ARF4: variants seen among roughly 807,000 people sequenced by gnomAD.
ARF4 encodes the protein ADP-ribosylation factor 4.
Under a neutral mutation model 24.3 loss-of-function variants are expected in ARF4, and 5 were observed. That is an observed-to-expected ratio of 0.21 (90% CI 0.11 to 0.43). The LOEUF (loss-of-function observed/expected upper bound fraction) is 0.43, where lower values mean the gene tolerates loss of function less well. Ranked by LOEUF, ARF4 falls within the 20% of genes least tolerant of loss-of-function variation. ARF4 has a pLI of 1.00. For synonymous variants in ARF4, 62 were observed against 73.5 expected (o/e 0.84, Z 0.80); for missense variants, 107 against 213.0 (o/e 0.50, Z 3.10).
intron 4 of ARF4, 71 bp from the exon 5 acceptor site, chr3:57,575,744 T>TAC: frequency 6.8e-7 from 1 of 1,461,912 alleles, no homozygotes; most frequent in Non-Finnish European, 9.2e-7. Flanking sequence ...TTCCTATATA[T>TAC]ACTTTACTCA....
chr3:57,584,962 C>T (rs1040958993), intron 1 of ARF4, among the ~76,000 whole-genome samples: 6 of 152,074 alleles, frequency 3.9e-5, no homozygotes, highest in East Asian at 1.9e-4. Context: ...CTCCCGGGTT[C>T]GAGCAATTCT....
Position 57,584,396 on chromosome 3 carries a change from T to C in ARF4, c.136A>G (p.Ile46Val), listed in dbSNP as rs755833114. ...KLKLGEIVTT[I>V]PTIGFNVETV... Reference sequence around the variant, plus strand: ...TAAACTTTCTTACCAATGGTAGGAATGGTGGTGACTATCTCCCCTAACTTC... The same window carrying C: ...TAAACTTTCTTACCAATGGTAGGAACGGTGGTGACTATCTCCCCTAACTTC... The change falls in exon 2 of 6, where the codon ATT (isoleucine) becomes GTT (valine). Residue 46 changes from isoleucine to valine, a missense_variant. By Grantham distance (29) the Ile-to-Val change is conservative. Coordinates refer to ENST00000303436, the MANE Select transcript of ARF4 (RefSeq NM_001660.4). The C allele has an allele frequency of 6.2e-7, 1 of 1,611,146 alleles. No homozygotes were observed. Among genetic ancestry groups the C allele is most frequent in the South Asian group, 1.1e-5 (1 of 90,998 alleles).
At chr3:57,582,567 A>G (rs1267298861) in intron 3 of ARF4, among the ~76,000 whole-genome samples, 4 of 152,172 alleles carry the variant, frequency 2.6e-5, no homozygotes, top group Non-Finnish European at 4.4e-5. Context: ...TAAATAAAAA[A>G]GTATACCACT....
At chr3:57,590,765 A>C (rs1379744236) in intron 1 of ARF4, among the ~76,000 whole-genome samples, 1 of 152,122 alleles carries the variant, frequency 6.6e-6, no homozygotes, top group Non-Finnish European at 1.5e-5. Context: ...TGTAGCCTCA[A>C]ACTCCTGGGC....
intron 4 of ARF4, among the ~76,000 whole-genome samples, chr3:57,575,938 T>C (rs1473286302): frequency 1.3e-5 from 2 of 151,750 alleles, no homozygotes; most frequent in African/African-American, 4.9e-5. Flanking sequence ...TCACTCATCA[T>C]TCAGCCTTCA....
chr3:57,586,923 T>G (rs2070044654), intron 1 of ARF4, among the ~76,000 whole-genome samples: 1 of 152,060 alleles, frequency 6.6e-6, no homozygotes, highest in South Asian at 2.1e-4. Flanking sequence ...GAATTGAAAC[T>G]GAGACGCTGA....
intron 5 of ARF4, among the ~76,000 whole-genome samples, chr3:57,575,087 TG>T (rs1305784274): frequency 6.6e-6 from 1 of 151,008 alleles, no homozygotes; most frequent in Non-Finnish European, 1.5e-5. Context: ...CGACCTCAGA[TG>T]ATCTGCTCAC....
intron 5 of ARF4, among the ~76,000 whole-genome samples, chr3:57,573,263 TCAGA>T (rs2069862491): frequency 2.0e-5 from 3 of 152,082 alleles, no homozygotes; most frequent in Admixed American, 2.0e-4. Flanking sequence ...GGCAAGCTTT[TCAGA>T]CAATTTCACC....
intron 1 of ARF4, among the ~76,000 whole-genome samples, chr3:57,592,344 G>A (rs541541528): frequency 1.7e-4 from 26 of 152,122 alleles, no homozygotes; most frequent in East Asian, 1.5e-3. Flanking sequence ...AAAATTAGCC[G>A]GGCATGGTGG....
At chr3:57,591,547 A>C (rs2070116747) in intron 1 of ARF4, among the ~76,000 whole-genome samples, 1 of 151,300 alleles carries the variant, frequency 6.6e-6, no homozygotes, top group Non-Finnish European at 1.5e-5. Context: ...GCTCACTGCA[A>C]CCTCCACCTC....
intron 5 of ARF4, among the ~76,000 whole-genome samples, chr3:57,574,947 C>T (rs954693183): frequency 1.3e-5 from 2 of 151,868 alleles, no homozygotes; most frequent in African/African-American, 2.4e-5. Flanking sequence ...CTCCTGGGTT[C>T]AAGTGATTCT....
rs115283850 is a variant in ARF4, at chr3:57,587,064, A to G, written c.68-2600T>C. ...CCTGGCGCTGTGGCTCATGCCTGTA[A>G]TCACAGTACTTTGGGAGGCTGAGGT... On this transcript the variant is annotated intron_variant, in intron 1 of 5. Transcript: ENST00000303436. Among the ~76,000 whole-genome samples the G allele has an allele frequency of 5.1e-3, 781 of 152,276 alleles. 1 individual carries two copies. The highest frequency in any genetic ancestry group is 7.8e-3 in the Non-Finnish European group (528 of 68,026).
rs1184053072 is a variant in ARF4 at position 57,597,279 on chromosome 3, C to T, written c.-139G>A. The T allele has an allele frequency of 1.3e-6, 1 of 790,640 alleles. No homozygotes were observed. The highest frequency in any genetic ancestry group is 1.7e-5 in the African/African-American group (1 of 57,628). The allele number at this position is 790,640 out of a possible 1,614,324, so 49.0% of individuals were successfully genotyped here. ...AAGAAAGAGGGAGGCAGAAACGTCT[C>T]AGTGGCCCCTGTGCCGATGAAGATC... On this transcript the variant is annotated 5_prime_UTR_variant, in exon 1 of 6. Transcript: ENST00000303436.
intron 1 of ARF4, among the ~76,000 whole-genome samples, chr3:57,588,906 C>G (rs562300218): frequency 6.6e-6 from 1 of 152,248 alleles, no homozygotes; most frequent in African/African-American, 2.4e-5. Context: ...AATTAGAGAC[C>G]AGCCTGACCA....
At chr3:57,591,022 T>C (rs1370345378) in intron 1 of ARF4, among the ~76,000 whole-genome samples, 1 of 152,212 alleles carries the variant, frequency 6.6e-6, no homozygotes, top group Non-Finnish European at 1.5e-5. Context: ...AGATGAGACA[T>C]TTAATGTCCA....
At chr3:57,584,274 T>A (rs2070010270) in intron 2 of ARF4, 110 bp downstream of exon 2, 2 of 1,091,834 alleles carry the variant, frequency 1.8e-6, no homozygotes, top group Non-Finnish European at 2.7e-6. Flanking sequence ...GTTTTAAAAG[T>A]ACTTCTAAGA....
chr3:57,571,611 C>A lies in ARF4; in HGVS notation c.*601G>T, dbSNP rs1410562441. Reference sequence around the variant, plus strand: ...ATTAAAAACCATCTAAATATCAATTCTTTGCAACCAGCACAGAACTAATTG... The same window carrying A: ...ATTAAAAACCATCTAAATATCAATTATTTGCAACCAGCACAGAACTAATTG... On this transcript the variant is annotated 3_prime_UTR_variant, in exon 6 of 6. Coordinates refer to ENST00000303436, the MANE Select transcript of ARF4 (RefSeq NM_001660.4). 1 of 152,672 alleles carries A rather than the reference C, an allele frequency of 6.5e-6. No individual in the cohort carries two copies. 9.5% of individuals were successfully genotyped at this position (152,672 alleles called of 1,614,324 possible).
chr3:57,594,563 A>T (rs769088545), intron 1 of ARF4, among the ~76,000 whole-genome samples: 14 of 152,238 alleles, frequency 9.2e-5, no homozygotes, highest in Non-Finnish European at 1.6e-4. Flanking sequence ...TATCTTTTAA[A>T]GTTACTTGAA....
chr3:57,582,897 G>A (rs148022199), intron 3 of ARF4, among the ~76,000 whole-genome samples: 20 of 152,350 alleles, frequency 1.3e-4, no homozygotes, highest in African/African-American at 3.6e-4. Flanking sequence ...TTCCTCATAT[G>A]TAAGAGAGTT....
Sources: gnomAD v4.1 joint callset for allele counts (sites outside exome capture counted in the v4.1 genomes callset) on GRCh38, gnomAD v4.1.1 for gene constraint, MANE v1.5 for transcripts, NCBI Gene and HGNC (gene_info 2026-07-23, HGNC 2026-07-21) for gene names.